The following TMEM71 variants were observed in gnomAD, a reference collection of about 807,000 sequenced individuals.
TMEM71 encodes the protein transmembrane protein 71.
A neutral mutation model predicts 38.0 loss-of-function variants in TMEM71; 44 were observed. The ratio of observed to expected loss-of-function variants is 1.16; its 90% CI spans 0.91 to 1.49. The LOEUF (loss-of-function observed/expected upper bound fraction) is 1.49, where lower values mean the gene tolerates loss of function less well. TMEM71 is among the 40% of genes most tolerant of loss of function. The pLI is 0.00. For synonymous variants in TMEM71, 133 were observed against 122.5 expected, an observed-to-expected ratio of 1.09 and a Z score of -0.56; for missense variants, 367 against 348.6, an observed-to-expected ratio of 1.05 and a Z score of -0.42.
intron 4 of TMEM71, among the ~76,000 whole-genome samples, chr8:132,748,213 G>T (rs1239387029): frequency 6.6e-6 from 1 of 152,228 alleles, no homozygotes; most frequent in Non-Finnish European, 1.5e-5. Context: ...ATCAGAAGAT[G>T]CATTTTGAAT....
At chr8:132,736,451 A>T (rs1358734181) in intron 5 of TMEM71, among the ~76,000 whole-genome samples, 2 of 152,176 alleles carry the variant, frequency 1.3e-5, no homozygotes, top group Non-Finnish European at 2.9e-5. Context: ...ACAAAATTCC[A>T]GTCAGACAGG....
intron 6 of TMEM71, among the ~76,000 whole-genome samples, chr8:132,726,259 C>A (rs1485387691): frequency 4.6e-5 from 7 of 151,566 alleles, no homozygotes; most frequent in African/African-American, 1.5e-4. Flanking sequence ...AAACAAAAAC[C>A]AAACCAAAAC....
chr8:132,747,589 A>C (rs1398266529), intron 4 of TMEM71, among the ~76,000 whole-genome samples: 1 of 152,214 alleles, frequency 6.6e-6, no homozygotes, highest in East Asian at 1.9e-4. Context: ...GTCTGCCTCC[A>C]CGGTCTTTGC....
chr8:132,729,324 C>A (rs1290977462), intron 5 of TMEM71, among the ~76,000 whole-genome samples: 1 of 152,182 alleles, frequency 6.6e-6, no homozygotes, highest in East Asian at 1.9e-4. Context: ...CTGACTCAAC[C>A]ACTGGAAGTC....
chr8:132,718,499 A>G (rs954002399), intron 7 of TMEM71, among the ~76,000 whole-genome samples: 2 of 150,058 alleles, frequency 1.3e-5, no homozygotes, highest in African/African-American at 2.5e-5. Context: ...CCGGGTTCAC[A>G]CCATTCTCCT....
Position 132,758,927 on chromosome 8 carries a change from G to A in TMEM71, c.-36-12C>T. On this transcript the variant is annotated splice_polypyrimidine_tract_variant and intron_variant, in intron 1 of 9. Transcript: ENST00000677595. ...ACTTCACAGATTCTCTGCAAAAGAT[G>A]TTAAAAAAAAGGTGGACTATATATT... 1 of 1,563,108 alleles carries A rather than the reference G, an allele frequency of 6.4e-7. No homozygotes were observed.
chr8:132,758,721 C>A, intron 2 of TMEM71, 119 bp downstream of exon 2: 3 of 789,976 alleles, frequency 3.8e-6, no homozygotes, highest in Non-Finnish European at 6.4e-6. Flanking sequence ...ATTTAAGAAG[C>A]ACAAGCTACT....
At chr8:132,744,637 T>G (rs1048537722) in intron 5 of TMEM71, among the ~76,000 whole-genome samples, 1 of 152,202 alleles carries the variant, frequency 6.6e-6, no homozygotes, top group Non-Finnish European at 1.5e-5. Context: ...AAACTATTCC[T>G]ATCAAACTAT....
At chr8:132,732,918 G>C (rs1306961287) in intron 5 of TMEM71, among the ~76,000 whole-genome samples, 1 of 152,144 alleles carries the variant, frequency 6.6e-6, no homozygotes, top group Admixed American at 6.5e-5. Context: ...ATACTGTGAT[G>C]CTGAGGCTGA....
At chr8:132,758,025 C>T (rs1829130243) in intron 2 of TMEM71, 1 of 152,100 alleles carries the variant, frequency 6.6e-6, no homozygotes, top group Non-Finnish European at 1.5e-5. Context: ...GACTCTCCCT[C>T]ATTAGTGCAT....
rs779016554 is a variant in TMEM71, at chr8:132,722,031, G to C, written c.752+9C>G. The C allele has an allele frequency of 3.7e-6, 6 of 1,610,932 alleles. No homozygotes were observed. Among genetic ancestry groups the C allele is most frequent in the Admixed American group, 1.7e-5 (1 of 60,004 alleles). On this transcript the variant is annotated intron_variant, in intron 7 of 9. Coordinates refer to ENST00000677595, the MANE Select transcript of TMEM71 (RefSeq NM_001382403.1). ...AAATACCGCTGCATGAAAATAAAACGTGAATTACCTTGCACATGCAGAAAT... is the reference window on the plus strand; with the variant it reads ...AAATACCGCTGCATGAAAATAAAACCTGAATTACCTTGCACATGCAGAAAT...
At chr8:132,720,951 A>T (rs981802749) in intron 7 of TMEM71, among the ~76,000 whole-genome samples, 3 of 152,212 alleles carry the variant, frequency 2.0e-5, no homozygotes, top group Non-Finnish European at 4.4e-5. Flanking sequence ...TCCCATTAAA[A>T]CTTCAACAGC....
In TMEM71 at chr8:132,746,976, G is replaced by C; in HGVS notation, c.453C>G (p.Thr151=). 6.2e-7 allele frequency: 1 copy of C among 1,611,736 alleles called. No homozygotes were observed. The highest frequency in any genetic ancestry group is 8.5e-7 in the Non-Finnish European group (1 of 1,179,338). Residue 151 remains threonine (T), a synonymous_variant, in exon 5 of 10, where the codon ACC becomes ACG. Coordinates refer to ENST00000677595, the MANE Select transcript of TMEM71 (RefSeq NM_001382403.1). ...SPSEDNWLKG[T]RRLDTDHCNG... Reference sequence around the variant, plus strand: ...TGCAATGGTCTGTGTCCAACCTCCTGGTCCCCTTCAACCAGTTGTCTTCAC... The same window carrying C: ...TGCAATGGTCTGTGTCCAACCTCCTCGTCCCCTTCAACCAGTTGTCTTCAC...
intron 5 of TMEM71, among the ~76,000 whole-genome samples, chr8:132,728,924 A>T (rs745741606): frequency 1.2e-4 from 18 of 152,228 alleles, no homozygotes; most frequent in Non-Finnish European, 2.1e-4. Context: ...AAATGCCTAG[A>T]TAAAATATAG....
At chr8:132,750,932 C>T (rs376382370) in intron 4 of TMEM71, among the ~76,000 whole-genome samples, 14 of 152,172 alleles carry the variant, frequency 9.2e-5, no homozygotes, top group Middle Eastern at 3.4e-3. Context: ...TATCTATTTC[C>T]CCACCTTTAC....
chr8:132,764,059 A>C (rs1284452932), upstream of TMEM71, among the ~76,000 whole-genome samples: 1 of 152,104 alleles, frequency 6.6e-6, no homozygotes, highest in Non-Finnish European at 1.5e-5. Flanking sequence ...TCTTCCACCC[A>C]ATCACTCATG....
the TMEM71 span, among the ~76,000 whole-genome samples, chr8:132,769,508 C>T: frequency 6.6e-6 from 1 of 152,134 alleles, no homozygotes; most frequent in East Asian, 1.9e-4. Context: ...TGTGTGTCTC[C>T]CTGTCCCCTA....
At chr8:132,765,825 G>T in the TMEM71 span, among the ~76,000 whole-genome samples, 1 of 151,744 alleles carries the variant, frequency 6.6e-6, no homozygotes, top group East Asian at 1.9e-4. Flanking sequence ...GTCTCACTCT[G>T]TCGCCCAGGC....
At chr8:132,743,275 T>A (rs1469134978) in intron 5 of TMEM71, among the ~76,000 whole-genome samples, 2 of 152,022 alleles carry the variant, frequency 1.3e-5, no homozygotes, top group African/African-American at 4.8e-5. Flanking sequence ...GACATCAAAG[T>A]CTTCTATAGG....
Sources: gnomAD v4.1 joint callset for allele counts (sites outside exome capture counted in the v4.1 genomes callset) on GRCh38, gnomAD v4.1.1 for gene constraint, MANE v1.5 for transcripts, NCBI Gene and HGNC (gene_info 2026-07-23, HGNC 2026-07-21) for gene names.